DNAJA4: variants seen among roughly 807,000 people sequenced by gnomAD.
The protein encoded by DNAJA4 is dnaJ homolog subfamily A member 4.
Under a neutral mutation model 39.7 loss-of-function variants are expected in DNAJA4, and 32 were observed. The observed-to-expected ratio is 0.81, with a 90% CI of 0.61 to 1.08. The LOEUF (loss-of-function observed/expected upper bound fraction) is 1.08. DNAJA4 is among the 50% of genes least tolerant of loss of function. The pLI is 0.00. For synonymous variants in DNAJA4, 184 were observed against 182.4 expected, an observed-to-expected ratio of 1.01 and a Z score of -0.07; for missense variants, 439 against 505.1, an observed-to-expected ratio of 0.87 and a Z score of 1.25.
intron 1 of DNAJA4, among the ~76,000 whole-genome samples, chr15:78,267,031 C>A (rs1277581128): frequency 6.6e-6 from 1 of 152,020 alleles, no homozygotes; most frequent in Non-Finnish European, 1.5e-5. Context: ...GTAGAGTTCC[C>A]CAGAGAGAGC....
chr15:78,265,828 T>C (rs55718582), intron 1 of DNAJA4: 238,426 of 610,512 alleles, frequency 0.39, 47,507 homozygotes, highest in Middle Eastern at 0.43. Context: ...GCAGTGTCAC[T>C]TGGGCCACGT....
intron 5 of DNAJA4, among the ~76,000 whole-genome samples, chr15:78,278,826 A>ATTT (rs33990133): frequency 0.032 from 2,769 of 87,462 alleles, 148 homozygotes; most frequent in African/African-American, 0.046. Context: ...TAGTTTTTCT[A>ATTT]TTTTTTTTTT....
At position 78,274,444 on chromosome 15, in the gene DNAJA4, G is replaced by C; in HGVS notation, c.646+20G>C. ...AAAAAGGTGAGGCTGCGCAGAGCTG[G>C]TGCTCCACACGGGCTGGAAATGCTG... On this transcript the variant is annotated intron_variant, in intron 4 of 6. Transcript: ENST00000394852. 1.9e-6 allele frequency: 3 copies of C among 1,609,572 alleles called. No homozygotes were observed. The highest frequency in any genetic ancestry group is 2.5e-6 in the Non-Finnish European group (3 of 1,176,646).
At position 78,264,580 on chromosome 15, in the gene DNAJA4, G is replaced by A; in HGVS notation, c.-184G>A. On this transcript the variant is annotated 5_prime_UTR_variant, in exon 1 of 7. In the 5' UTR this introduces an upstream ATG that the reference lacks. Coordinates refer to ENST00000394852, the MANE Select transcript of DNAJA4 (RefSeq NM_001130182.2). The stretch of plus-strand genomic sequence containing the variant: ...TGGCTCTAGTGCGGTGGAGCCAGGC[G>A]TGGAAGTCGGTCCGGCGCGGGGCGG... 1 of 1,196,852 alleles carries A rather than the reference G, an allele frequency of 8.4e-7. No homozygotes were observed. The highest frequency in any genetic ancestry group is 1.0e-6 in the Non-Finnish European group (1 of 965,910). The allele number at this position is 1,196,852 out of a possible 1,614,324, so 74.1% of individuals were successfully genotyped here.
rs956082664 is a variant in DNAJA4, at chr15:78,275,589, G to A, written c.738G>A (p.Gln246=). 3 of 1,614,210 alleles carry A rather than the reference G, an allele frequency of 1.9e-6. No homozygotes were observed. In the Admixed American group the frequency reaches 5.0e-5, roughly 27 times the overall value. The change falls in exon 5 of 7, where the codon CAG becomes CAA. Residue 246 remains glutamine, a synonymous_variant. Transcript: ENST00000394852. ...GTGATGTCATAATTGTGCTTGATCA[G>A]AAGGATCATAGTGTCTTTCAGAGAC... The part of the protein sequence containing the change: ...EPGDVIIVLD[Q]KDHSVFQRRG...
rs1239558611 is a variant in DNAJA4, at chr15:78,281,408, T to A, written c.*948T>A. 1.3e-5 allele frequency: 2 copies of A among 152,254 alleles called. No individual in the cohort carries two copies. Among genetic ancestry groups the A allele is most frequent in the Non-Finnish European group, 2.9e-5 (2 of 68,026 alleles). 9.4% of individuals were successfully genotyped at this position (152,254 alleles called of 1,614,324 possible). Reference sequence around the variant, plus strand: ...CAAAGGCATAGAACTCCCCAGTGTTTTCCACCTCATTCTCCCAGATTGAGC... The same window carrying A: ...CAAAGGCATAGAACTCCCCAGTGTTATCCACCTCATTCTCCCAGATTGAGC... On this transcript the variant is annotated 3_prime_UTR_variant, in exon 7 of 7. Coordinates refer to ENST00000394852, the MANE Select transcript of DNAJA4 (RefSeq NM_001130182.2).
intron 2 of DNAJA4, among the ~76,000 whole-genome samples, chr15:78,271,812 C>T (rs941341554): frequency 3.3e-5 from 5 of 152,164 alleles, no homozygotes; most frequent in Admixed American, 2.0e-4. Flanking sequence ...GAAAGATAAC[C>T]AAGCGTATTA....
rs2049597732 is a variant in DNAJA4, at chr15:78,279,741, CT to C, written c.878-302del. 7.1e-6 allele frequency: 3 copies of C among 420,470 alleles called. No individual in the cohort carries two copies. Among genetic ancestry groups the C allele is most frequent in the Non-Finnish European group, 1.3e-5 (3 of 233,202 alleles). The allele number at this position is 420,470 out of a possible 1,614,324, so 26.0% of individuals were successfully genotyped here. ...AGGTGTTGGCCCCATTTTAGGCAGA[CT>C]TGGGTGTCATGACTTCTAGTTCACT... On this transcript the variant is annotated intron_variant, in intron 5 of 6. Coordinates refer to ENST00000394852, the MANE Select transcript of DNAJA4 (RefSeq NM_001130182.2). This position sits in a 1 kb window ranked among gnomAD's most constrained non-coding sequence, Gnocchi z 4.5.
intron 2 of DNAJA4, among the ~76,000 whole-genome samples, chr15:78,272,235 G>T (rs1296138995): frequency 6.6e-6 from 1 of 152,196 alleles, no homozygotes; most frequent in Non-Finnish European, 1.5e-5. Context: ...TACTCGGGAG[G>T]CTGAGGCAGG....
At chr15:78,274,569 C>T (rs528481567) in intron 4 of DNAJA4, 145 bp downstream of exon 4, 3 of 715,906 alleles carry the variant, frequency 4.2e-6, no homozygotes, top group African/African-American at 3.5e-5. Flanking sequence ...GTTTCCCAGT[C>T]TTCTCTTCAC....
Position 78,264,801 on chromosome 15 carries a change from T to A in DNAJA4, c.38T>A (p.Val13Glu). The A allele has an allele frequency of 6.2e-7, 1 of 1,609,244 alleles. No homozygotes were observed. The highest frequency in any genetic ancestry group is 8.5e-7 in the Non-Finnish European group (1 of 1,177,712). Residue 13 changes from valine (V) to glutamate (E), a missense_variant, in exon 1 of 7, where the codon GTG (valine) becomes GAG (glutamate). Physicochemically the swap from Val to Glu is moderately radical, Grantham distance 121. Transcript: ENST00000394852. ...ACCCAGTACTATGACATCCTGGGCG[T>A]GAAGCCCAGCGCGTCCCCGGAGGAG... ...KETQYYDILGVKPSASPEEIK... is the reference protein window; with the variant it reads ...KETQYYDILGEKPSASPEEIK...
Position 78,264,574 on chromosome 15 carries a change from C to G in DNAJA4, c.-190C>G. 1 of 1,205,308 alleles carries G rather than the reference C, an allele frequency of 8.3e-7. No homozygotes were observed. Among genetic ancestry groups the G allele is most frequent in the Non-Finnish European group, 1.0e-6 (1 of 971,290 alleles). The allele number at this position is 1,205,308 out of a possible 1,614,324, so 74.7% of individuals were successfully genotyped here. On this transcript the variant is annotated 5_prime_UTR_variant, in exon 1 of 7. Coordinates refer to ENST00000394852, the MANE Select transcript of DNAJA4 (RefSeq NM_001130182.2). ...AGCCGGTGGCTCTAGTGCGGTGGAG[C>G]CAGGCGTGGAAGTCGGTCCGGCGCG...
chr15:78,265,205 A>G (rs2049089136), intron 1 of DNAJA4, among the ~76,000 whole-genome samples: 1 of 152,208 alleles, frequency 6.6e-6, no homozygotes, highest in African/African-American at 2.4e-5. Context: ...GCGCCGGACT[A>G]GTTCTCATAG....
In DNAJA4 at chr15:78,264,610, C is replaced by CGGG; in HGVS notation, c.-153_-151dup. On this transcript the variant is annotated 5_prime_UTR_variant, in exon 1 of 7. Transcript: ENST00000394852. The stretch of plus-strand genomic sequence containing the variant: ...AGTCGGTCCGGCGCGGGGCGGGGGG[C>CGGG]GGGCGGGAGCTACAAGCGGCGGCGG... The CGGG allele has an allele frequency of 3.6e-6, 4 of 1,100,952 alleles. No homozygotes were observed. Among genetic ancestry groups the CGGG allele is most frequent in the Non-Finnish European group, 4.4e-6 (4 of 905,610 alleles). 68.2% of individuals were successfully genotyped at this position (1,100,952 alleles called of 1,614,324 possible).
At chr15:78,266,208 T>C in intron 1 of DNAJA4, 1 of 1,613,578 alleles carries the variant, frequency 6.2e-7, no homozygotes, top group Non-Finnish European at 8.5e-7. Context: ...GCTTGTAGGC[T>C]TCTAATTTCA....
rs542474752 is a variant in DNAJA4, at chr15:78,274,408, G to C, written c.630G>C (p.Glu210Asp). 1.9e-6 allele frequency: 3 copies of C among 1,614,068 alleles called. No homozygotes were observed. Among genetic ancestry groups the C allele is most frequent in the South Asian group, 2.2e-5 (2 of 91,072 alleles). Residue 210 changes from glutamate (E) to aspartate (D), a missense_variant, in exon 4 of 7, where the codon GAG becomes GAC. Coordinates refer to ENST00000394852, the MANE Select transcript of DNAJA4 (RefSeq NM_001130182.2). ...AKVIREKKII[E>D]VHVEKGMKDG... is the part of the protein sequence containing the mutation. Reference sequence around the variant, plus strand: ...TGATCCGTGAGAAGAAGATTATCGAGGTACATGTTGAAAAAGGTGAGGCTG... The same window carrying C: ...TGATCCGTGAGAAGAAGATTATCGACGTACATGTTGAAAAAGGTGAGGCTG...
intron 1 of DNAJA4, chr15:78,265,801 C>G (rs182249812): frequency 0.013 from 8,333 of 627,482 alleles, 114 homozygotes; most frequent in Non-Finnish European, 0.015. Flanking sequence ...GAGGTGGGGC[C>G]GTTATAGTAG....
chr15:78,266,382 C>T (rs2049123993), intron 1 of DNAJA4: 1 of 1,182,688 alleles, frequency 8.5e-7, no homozygotes. Flanking sequence ...TTGACCTGTA[C>T]TACATATGTG....
At chr15:78,269,474 A>G (rs1160420632) in intron 1 of DNAJA4, among the ~76,000 whole-genome samples, 1 of 151,722 alleles carries the variant, frequency 6.6e-6, no homozygotes, top group Non-Finnish European at 1.5e-5. Context: ...TTTACCAGTT[A>G]TAAATAAGTT....
Sources: allele counts gnomAD v4.1 joint callset (sites outside exome capture counted in the v4.1 genomes callset), GRCh38; gene constraint gnomAD v4.1.1; non-coding constraint Gnocchi (gnomAD v3.1); transcripts MANE v1.5; gene names NCBI Gene and HGNC (gene_info 2026-07-23, HGNC 2026-07-21).